The following TMEM164 variants were observed in gnomAD, a reference collection of about 807,000 sequenced individuals.
The protein encoded by TMEM164 is transmembrane protein 164.
TMEM164 carries 4 observed loss-of-function variants against 18.8 expected under a neutral mutation model. That is an observed-to-expected ratio of 0.21 (90% CI 0.10 to 0.49). The LOEUF is 0.49. Ranked by LOEUF, TMEM164 falls within the 20% of genes least tolerant of loss-of-function variation. TMEM164 has a pLI of 0.98. For missense variants in TMEM164, 108 were observed against 239.9 expected, an observed-to-expected ratio of 0.45 and a Z score of 3.63; for synonymous variants, 86 against 101.7, an observed-to-expected ratio of 0.85 and a Z score of 0.93.
chrX:110,070,026 T>A (rs1162423840), intron 3 of TMEM164, among the ~76,000 whole-genome samples: 2 of 111,824 alleles, frequency 1.8e-5, no homozygotes, highest in Non-Finnish European at 3.8e-5. Context: ...TAAAAAATAT[T>A]TTTCTGGGGC....
At chrX:110,177,813 C>T (rs1253216631), downstream of TMEM164, 2 of 111,914 alleles carry the variant, frequency 1.8e-5, no homozygotes, top group Admixed American at 9.4e-5. Context: ...CCTTGCTTCC[C>T]AGAACCCTCT....
chrX:110,177,963 C>T (rs747449118), downstream of TMEM164, among the ~76,000 whole-genome samples: 17 of 112,297 alleles, frequency 1.5e-4, no homozygotes, highest in Non-Finnish European at 3.0e-4. Flanking sequence ...TGAATTCCCA[C>T]ACATTGCCTA....
At chrX:110,083,785 A>G (rs1357899171) in intron 3 of TMEM164, among the ~76,000 whole-genome samples, 2 of 111,587 alleles carry the variant, frequency 1.8e-5, no homozygotes, top group African/African-American at 6.5e-5. Context: ...ATAGTTTATG[A>G]TATTTATTAT....
intron 4 of TMEM164, among the ~76,000 whole-genome samples, chrX:110,118,213 C>T: frequency 8.9e-6 from 1 of 112,419 alleles, no homozygotes; most frequent in Non-Finnish European, 1.9e-5. Flanking sequence ...ATGCCTGGCC[C>T]AGTATATTTC....
At chrX:110,128,925 T>G (rs753743950) in intron 4 of TMEM164, among the ~76,000 whole-genome samples, 64 of 111,980 alleles carry the variant, frequency 5.7e-4, no homozygotes, top group Non-Finnish European at 6.6e-4. Flanking sequence ...CTGGCTTGTT[T>G]CCTTGTGTAT....
chrX:110,135,264 C>T (rs1156795770), intron 4 of TMEM164, among the ~76,000 whole-genome samples: 1 of 109,835 alleles, frequency 9.1e-6, no homozygotes, highest in Non-Finnish European at 1.9e-5. Flanking sequence ...ATGCCTTATA[C>T]AATATAGACT....
chrX:110,103,967 T>C (rs2066149017), intron 3 of TMEM164, among the ~76,000 whole-genome samples: 1 of 111,390 alleles, frequency 9.0e-6, no homozygotes, highest in Non-Finnish European at 1.9e-5. Context: ...TTGGGGGTTT[T>C]TGACAATTTG....
At chrX:110,184,240 TTAAAA>T (rs1412144250), downstream of TMEM164, among the ~76,000 whole-genome samples, 1 of 108,612 alleles carries the variant, frequency 9.2e-6, no homozygotes, top group African/African-American at 3.4e-5. Context: ...TAAAGTATAT[TTAAAA>T]TGAAAAGGAA....
chrX:110,109,022 T>C (rs952283921), intron 3 of TMEM164, 58 bp from the exon 4 acceptor site: 38 of 1,119,783 alleles, frequency 3.4e-5, no homozygotes, highest in Non-Finnish European at 4.4e-5. Flanking sequence ...TGTGTCTTTT[T>C]TCTCCCTTTG....
rs185611446 is a variant in TMEM164, at chrX:110,012,341, C to T, written c.390+8177C>T. Among the ~76,000 whole-genome samples the T allele has an allele frequency of 1.6e-4, 18 of 112,228 alleles. No homozygotes were observed. The East Asian group carries it at 4.8e-3, about 30-fold the overall frequency. On this transcript the variant is annotated intron_variant, in intron 2 of 6. Coordinates refer to ENST00000372068, the MANE Select transcript of TMEM164 (RefSeq NM_032227.4). ...CTATAATTCAAAATGCCCATCTCATCAGAGGAGATGATAGCCATGGGGGAT... is the reference window on the plus strand; with the variant it reads ...CTATAATTCAAAATGCCCATCTCATTAGAGGAGATGATAGCCATGGGGGAT...
At chrX:110,183,760 C>T (rs1266849386), downstream of TMEM164, among the ~76,000 whole-genome samples, 1 of 112,386 alleles carries the variant, frequency 8.9e-6, no homozygotes, top group Admixed American at 9.4e-5. Context: ...GAACTTGATT[C>T]TTATTCTGTA....
At chrX:110,050,486 T>C (rs1214363411) in intron 2 of TMEM164, among the ~76,000 whole-genome samples, 1 of 111,419 alleles carries the variant, frequency 9.0e-6, no homozygotes, top group African/African-American at 3.3e-5. Context: ...AATTTTCCCT[T>C]TGATGTCTGC....
chrX:110,159,568 T>G (rs1273776470), intron 5 of TMEM164, among the ~76,000 whole-genome samples: 1 of 110,134 alleles, frequency 9.1e-6, no homozygotes, highest in East Asian at 2.8e-4. Context: ...GCATGGATGT[T>G]AAAATCACCC....
At chrX:110,021,511 G>T (rs980714493) in intron 2 of TMEM164, among the ~76,000 whole-genome samples, 30 of 111,203 alleles carry the variant, frequency 2.7e-4, no homozygotes, top group African/African-American at 8.5e-4. Flanking sequence ...AAATCTGTGT[G>T]TGTGTGTTTG....
At chrX:110,012,010 G>T (rs985829267) in intron 2 of TMEM164, among the ~76,000 whole-genome samples, 6 of 111,924 alleles carry the variant, frequency 5.4e-5, no homozygotes, top group African/African-American at 2.0e-4. Flanking sequence ...TCCTCGATAG[G>T]GGATGAGATA....
At chrX:110,120,675 A>G (rs1421389032) in intron 4 of TMEM164, among the ~76,000 whole-genome samples, 1 of 111,457 alleles carries the variant, frequency 9.0e-6, no homozygotes, top group African/African-American at 3.3e-5. Flanking sequence ...GCCACCCTAC[A>G]TGGCTATAGG....
chrX:110,076,452 A>AT (rs1358749301), intron 3 of TMEM164, among the ~76,000 whole-genome samples: 1 of 109,662 alleles, frequency 9.1e-6, no homozygotes, highest in Non-Finnish European at 1.9e-5. Context: ...CTTGGTATGG[A>AT]TTTTTTTGGG....
chrX:110,024,362 G>A lies in TMEM164; in HGVS notation c.390+20198G>A, dbSNP rs375800207. On this transcript the variant is annotated intron_variant, in intron 2 of 6. Coordinates refer to ENST00000372068, the MANE Select transcript of TMEM164 (RefSeq NM_032227.4). ...GCAGTGGTGTAATTACAGCTCAACTGTAACCTCGAACTCTTGGACTCAAGA... is the reference window on the plus strand; with the variant it reads ...GCAGTGGTGTAATTACAGCTCAACTATAACCTCGAACTCTTGGACTCAAGA... Among the ~76,000 whole-genome samples, 10 of 110,958 alleles carry A rather than the reference G, an allele frequency of 9.0e-5. No homozygotes were observed. The East Asian group carries it at 1.4e-3, about 16-fold the overall frequency.
intron 2 of TMEM164, among the ~76,000 whole-genome samples, chrX:110,060,789 C>A (rs1333677170): frequency 9.0e-6 from 1 of 111,552 alleles, no homozygotes; most frequent in Non-Finnish European, 1.9e-5. Flanking sequence ...CTGTAGAATG[C>A]CCCTGATTTG....
Sources: allele counts gnomAD v4.1 joint callset (sites outside exome capture counted in the v4.1 genomes callset), GRCh38; gene constraint gnomAD v4.1.1; transcripts MANE v1.5; gene names NCBI Gene and HGNC (gene_info 2026-07-23, HGNC 2026-07-21).